SANBR: variants seen among roughly 807,000 people sequenced by gnomAD.
SANBR encodes the protein SANT and BTB domain regulator of CSR.
In SANBR, 77 loss-of-function variants were observed where a neutral mutation model predicts 101.8. The ratio of observed to expected loss-of-function variants is 0.76; its 90% CI spans 0.63 to 0.91. SANBR has a LOEUF of 0.91. Among genes scored for constraint, SANBR ranks in the 40% least tolerant of loss-of-function variants. The pLI is 0.00. For synonymous variants in SANBR, 279 were observed against 274.7 expected (o/e 1.02, Z -0.15); for missense variants, 875 against 853.0 (o/e 1.03, Z -0.32).
chr2:61,088,451 T>A lies in SANBR; in HGVS notation c.1071T>A (p.Ile357=). The A allele has an allele frequency of 1.9e-6, 3 of 1,604,490 alleles. No homozygotes were observed. The highest frequency in any genetic ancestry group is 2.6e-6 in the Non-Finnish European group (3 of 1,173,782). ...TCAATGTGGATCGACGTGGAAATATTGTCTATATTCACATAAGGTGTCGTG... is the reference window on the plus strand; with the variant it reads ...TCAATGTGGATCGACGTGGAAATATAGTCTATATTCACATAAGGTGTCGTG... The part of the protein sequence containing the change: ...GKINVDRRGN[I]VYIHIRDKTW... Residue 357 remains isoleucine, a synonymous_variant, in exon 10 of 22, where the codon ATT becomes ATA. Transcript: ENST00000402291.
chr2:61,130,792 C>T (rs1684663649), intron 20 of SANBR, among the ~76,000 whole-genome samples: 1 of 148,122 alleles, frequency 6.8e-6, no homozygotes, highest in African/African-American at 2.6e-5. Flanking sequence ...ACTAAAAATA[C>T]AAAAATTAGG....
intron 16 of SANBR, among the ~76,000 whole-genome samples, chr2:61,110,309 C>T (rs185354140): frequency 3.9e-5 from 6 of 152,180 alleles, no homozygotes; most frequent in Admixed American, 2.6e-4. Flanking sequence ...TTTGGGAAGC[C>T]GAGGCAGGCA....
chr2:61,077,372 T>C (rs1041273209), intron 6 of SANBR, among the ~76,000 whole-genome samples: 3 of 152,212 alleles, frequency 2.0e-5, no homozygotes, highest in Admixed American at 6.5e-5. Context: ...CAGTTCCCAA[T>C]GTATGGTGTA....
At chr2:61,066,945 C>G (rs952024793) in intron 1 of SANBR, among the ~76,000 whole-genome samples, 3 of 152,002 alleles carry the variant, frequency 2.0e-5, no homozygotes, top group African/African-American at 7.3e-5. Context: ...TAAATATTGT[C>G]AAGATTTTGA....
intron 11 of SANBR, among the ~76,000 whole-genome samples, chr2:61,095,348 A>G (rs1682981069): frequency 6.6e-6 from 1 of 152,244 alleles, no homozygotes; most frequent in Non-Finnish European, 1.5e-5. Flanking sequence ...ATTGTATATA[A>G]GAGAACGTGC....
rs1267773321 is a variant in SANBR at position 61,122,178 on chromosome 2, A to G, written c.*16A>G. The G allele has an allele frequency of 6.5e-7, 1 of 1,548,562 alleles. No individual in the cohort carries two copies. The highest frequency in any genetic ancestry group is 8.7e-7 in the Non-Finnish European group (1 of 1,145,194). On this transcript the variant is annotated 3_prime_UTR_variant, in exon 22 of 22. Coordinates refer to ENST00000402291, the MANE Select transcript of SANBR (RefSeq NM_001129993.3). ...TCCTGCATAAAGTACCTTAAAATAT[A>G]AGTAAAAAGAGAGAAGGCACTCTTC...
At chr2:61,068,328 G>T (rs1176637150) in intron 1 of SANBR, among the ~76,000 whole-genome samples, 1 of 152,104 alleles carries the variant, frequency 6.6e-6, no homozygotes. Flanking sequence ...ATGAAGTTCT[G>T]TAAAATATGT....
chr2:61,079,848 A>C (rs530356121), intron 6 of SANBR, among the ~76,000 whole-genome samples: 57 of 150,466 alleles, frequency 3.8e-4, no homozygotes, highest in African/African-American at 1.3e-3. Flanking sequence ...TGCAGTGAGC[A>C]GAGATTGCGC....
chr2:61,098,812 A>G (rs1157339630), intron 12 of SANBR, among the ~76,000 whole-genome samples: 2 of 152,258 alleles, frequency 1.3e-5, no homozygotes, highest in African/African-American at 4.8e-5. Context: ...TGTGCAAGGC[A>G]GAGGATAGCC....
downstream of SANBR, among the ~76,000 whole-genome samples, chr2:61,127,777 A>G (rs1477042768): frequency 6.6e-6 from 1 of 152,222 alleles, no homozygotes; most frequent in Non-Finnish European, 1.5e-5. Flanking sequence ...GGAAGTTCCA[A>G]AAGGAGAGGA....
At chr2:61,071,983 G>T (rs781623009) in intron 4 of SANBR, among the ~76,000 whole-genome samples, 191 bp downstream of exon 4, 1 of 151,994 alleles carries the variant, frequency 6.6e-6, no homozygotes, top group Non-Finnish European at 1.5e-5. Flanking sequence ...TGTTGCCCAG[G>T]CTGGAGTACA....
At chr2:61,102,750 C>G (rs1161001750) in intron 12 of SANBR, among the ~76,000 whole-genome samples, 1 of 151,942 alleles carries the variant, frequency 6.6e-6, no homozygotes, top group East Asian at 1.9e-4. Flanking sequence ...GTTGGCCAGG[C>G]TGGTCTCGAA....
At chr2:61,111,572 T>C (rs934445224) in intron 16 of SANBR, among the ~76,000 whole-genome samples, 1 of 152,230 alleles carries the variant, frequency 6.6e-6, no homozygotes, top group Non-Finnish European at 1.5e-5. Flanking sequence ...TTGATTGAGG[T>C]ATAAGTTATA....
intron 5 of SANBR, among the ~76,000 whole-genome samples, 167 bp from the exon 6 acceptor site, chr2:61,076,753 A>G (rs577173408): frequency 6.6e-6 from 1 of 152,360 alleles, no homozygotes; most frequent in South Asian, 2.1e-4. Flanking sequence ...AATCTAAGAT[A>G]TGATCAGGCT....
chr2:61,117,121 C>T (rs1398268475), intron 17 of SANBR: 2 of 507,778 alleles, frequency 3.9e-6, no homozygotes, highest in Non-Finnish European at 7.0e-6. Flanking sequence ...GATTCAAATT[C>T]TAGGTCTGTA....
At chr2:61,066,630 C>G (rs758378751) in intron 1 of SANBR, among the ~76,000 whole-genome samples, 14 of 152,254 alleles carry the variant, frequency 9.2e-5, no homozygotes, top group African/African-American at 1.4e-4. Context: ...AGGCCTTTGA[C>G]CTGCCTGCCT....
At chr2:61,106,107 C>T (rs978952740) in intron 13 of SANBR, among the ~76,000 whole-genome samples, 10 of 151,924 alleles carry the variant, frequency 6.6e-5, no homozygotes, top group Non-Finnish European at 1.3e-4. Context: ...GAAATGTCAT[C>T]GTTGGCTGGG....
At chr2:61,104,158 A>G (rs1683425628) in intron 13 of SANBR, among the ~76,000 whole-genome samples, 160 bp downstream of exon 13, 1 of 152,208 alleles carries the variant, frequency 6.6e-6, no homozygotes. Context: ...AAGAGCAGAC[A>G]GATATTTATA....
intron 14 of SANBR, among the ~76,000 whole-genome samples, chr2:61,108,029 A>C (rs1479520965): frequency 6.6e-6 from 1 of 152,204 alleles, no homozygotes; most frequent in Non-Finnish European, 1.5e-5. Flanking sequence ...AAATAGTTCT[A>C]AAAATAACTA....
Sources: gnomAD v4.1 joint callset for allele counts (sites outside exome capture counted in the v4.1 genomes callset) on GRCh38, gnomAD v4.1.1 for gene constraint, MANE v1.5 for transcripts, NCBI Gene and HGNC (gene_info 2026-07-23, HGNC 2026-07-21) for gene names.